NXPH2: variants seen among roughly 807,000 people sequenced by gnomAD.
NXPH2 encodes the protein neurexophilin-2.
NXPH2 carries 5 observed loss-of-function variants against 19.8 expected under a neutral mutation model. The ratio of observed to expected loss-of-function variants is 0.25; its 90% CI spans 0.13 to 0.53. The LOEUF (loss-of-function observed/expected upper bound fraction) is 0.53, where lower values mean the gene tolerates loss of function less well. Ranked by LOEUF, NXPH2 falls within the 20% of genes least tolerant of loss-of-function variation. The probability of loss-of-function intolerance (pLI) is 0.96; values close to 1 mark genes in which losing one functional copy is unlikely to be tolerated. For missense variants in NXPH2, 289 were observed against 322.8 expected, an observed-to-expected ratio of 0.90 and a Z score of 0.80; for synonymous variants, 154 against 127.4, an observed-to-expected ratio of 1.21 and a Z score of -1.41.
intron 1 of NXPH2, among the ~76,000 whole-genome samples, chr2:138,771,832 C>T (rs1682182176): frequency 6.6e-6 from 1 of 152,176 alleles, no homozygotes; most frequent in African/African-American, 2.4e-5. Context: ...GCACCTGTGG[C>T]TCTGAGTGCA....
In NXPH2 at chr2:138,780,376, GTGCC is replaced by G; in HGVS notation, c.-139_-136del. The stretch of plus-strand genomic sequence containing the variant: ...CCTCCCGGAATCCGAGCGCTGCGCC[GTGCC>G]GCGCAGCTCTGGCCGGGTGGGCGGG... On this transcript the variant is annotated 5_prime_UTR_variant, in exon 1 of 2. Transcript: ENST00000272641. The G allele has an allele frequency of 2.9e-6, 1 of 346,204 alleles. No individual in the cohort carries two copies. Among genetic ancestry groups the G allele is most frequent in the Non-Finnish European group, 4.9e-6 (1 of 203,378 alleles). 21.4% of individuals were successfully genotyped at this position (346,204 alleles called of 1,614,324 possible).
Position 138,697,776 on chromosome 2 carries a change from C to T in NXPH2, c.52-26111G>A, listed in dbSNP as rs190768028. The stretch of plus-strand genomic sequence containing the variant: ...TAATAAACTAATAGATAAATAATCA[C>T]CAGAGAAAATATAAATGAATAATAT... On this transcript the variant is annotated intron_variant, in intron 1 of 1. Transcript: ENST00000272641. Among the ~76,000 whole-genome samples the T allele has an allele frequency of 3.5e-3, 523 of 151,312 alleles. 3 individuals are homozygous for T. The highest frequency in any genetic ancestry group is 0.012 in the African/African-American group (492 of 41,310).
chr2:138,672,070 G>A (rs983563017), intron 1 of NXPH2, among the ~76,000 whole-genome samples: 5 of 152,186 alleles, frequency 3.3e-5, no homozygotes, highest in Non-Finnish European at 7.3e-5. Flanking sequence ...CTACAAAGGA[G>A]CTAAAAACTG....
intron 1 of NXPH2, among the ~76,000 whole-genome samples, chr2:138,694,231 AC>A (rs1281544745): frequency 2.0e-5 from 3 of 152,180 alleles, no homozygotes; most frequent in Non-Finnish European, 4.4e-5. Flanking sequence ...ATGCCTCCCA[AC>A]TGAGGAACTG....
At chr2:138,747,668 T>C (rs1241083168) in intron 1 of NXPH2, among the ~76,000 whole-genome samples, 1 of 152,166 alleles carries the variant, frequency 6.6e-6, no homozygotes, top group South Asian at 2.1e-4. Flanking sequence ...TACTTTAGGA[T>C]CTTTTATCTG....
At chr2:138,718,584 G>A (rs559538260) in intron 1 of NXPH2, among the ~76,000 whole-genome samples, 1 of 152,252 alleles carries the variant, frequency 6.6e-6, no homozygotes, top group South Asian at 2.1e-4. Context: ...AATATATTAT[G>A]AGTCAGAAAG....
intron 1 of NXPH2, among the ~76,000 whole-genome samples, chr2:138,716,960 T>G (rs550258002): frequency 1.2e-4 from 18 of 152,348 alleles, no homozygotes; most frequent in African/African-American, 4.3e-4. Context: ...GAATTTATCT[T>G]GCAGGTATAA....
chr2:138,726,229 G>A (rs1681356419), intron 1 of NXPH2, among the ~76,000 whole-genome samples: 1 of 152,066 alleles, frequency 6.6e-6, no homozygotes, highest in South Asian at 2.1e-4. Flanking sequence ...ATTTTTAGTA[G>A]AGATGGGATT....
chr2:138,677,215 T>C (rs1680496649), intron 1 of NXPH2, among the ~76,000 whole-genome samples: 1 of 152,216 alleles, frequency 6.6e-6, no homozygotes, highest in African/African-American at 2.4e-5. Flanking sequence ...CTAATTTCAG[T>C]ATCCCTGCTG....
rs139728353 is a variant in NXPH2, at chr2:138,777,550, A to T, written c.51+2641T>A. 4.7e-4 allele frequency among the ~76,000 whole-genome samples: 72 copies of T among 151,950 alleles called. No homozygotes were observed. The East Asian group carries it at 0.013, about 28-fold the overall frequency. Reference sequence around the variant, plus strand: ...TAAATATCACATAAACAGGTAAAAAAATTCTAGTTATTGTGACTGTATTAT... The same window carrying T: ...TAAATATCACATAAACAGGTAAAAATATTCTAGTTATTGTGACTGTATTAT... On this transcript the variant is annotated intron_variant, in intron 1 of 1. Coordinates refer to ENST00000272641, the MANE Select transcript of NXPH2 (RefSeq NM_007226.3).
chr2:138,728,783 T>C (rs909883826), intron 1 of NXPH2, among the ~76,000 whole-genome samples: 8 of 152,198 alleles, frequency 5.3e-5, no homozygotes, highest in African/African-American at 1.9e-4. Flanking sequence ...GCAAAAATTA[T>C]AGAGTAAAAT....
At position 138,780,200 on chromosome 2, in the gene NXPH2, C is replaced by A; in HGVS notation, c.42G>T (p.Leu14Phe). 6.7e-7 allele frequency: 1 copy of A among 1,489,536 alleles called. No homozygotes were observed. The highest frequency in any genetic ancestry group is 8.9e-7 in the Non-Finnish European group (1 of 1,128,204). 92.3% of individuals were successfully genotyped at this position (1,489,536 alleles called of 1,614,324 possible). Reference sequence around the variant, plus strand: ...CGGGCCGGGCACTCACCAGCTGCAGCAAGCCAGGGACCACCACGAGGGGCA... The same window carrying A: ...CGGGCCGGGCACTCACCAGCTGCAGAAAGCCAGGGACCACCACGAGGGGCA... ...RPLPLVVVPG[L>F]LQLLFCDSKE... Residue 14 changes from leucine (L) to phenylalanine (F), a missense_variant, in exon 1 of 2, where the codon TTG becomes TTT. By Grantham distance (22) the Leu-to-Phe change is conservative. Transcript: ENST00000272641.
chr2:138,761,123 G>T (rs1427373350), intron 1 of NXPH2, among the ~76,000 whole-genome samples: 2 of 152,140 alleles, frequency 1.3e-5, no homozygotes, highest in Non-Finnish European at 2.9e-5. Flanking sequence ...AAGATCCAAA[G>T]ATTTTGTTGA....
intron 1 of NXPH2, among the ~76,000 whole-genome samples, chr2:138,684,421 A>G (rs915157199): frequency 1.3e-5 from 2 of 152,144 alleles, no homozygotes; most frequent in African/African-American, 4.8e-5. Context: ...TGAAACTAAG[A>G]AAACAGAAAA....
chr2:138,717,581 C>T (rs1017671930), intron 1 of NXPH2, among the ~76,000 whole-genome samples: 4 of 151,886 alleles, frequency 2.6e-5, no homozygotes, highest in Admixed American at 6.6e-5. Context: ...CTAATCAACT[C>T]CCAAAGCCTC....
At chr2:138,745,028 C>G (rs1214796715) in intron 1 of NXPH2, among the ~76,000 whole-genome samples, 1 of 152,178 alleles carries the variant, frequency 6.6e-6, no homozygotes, top group Non-Finnish European at 1.5e-5. Flanking sequence ...ACAGCTGCAG[C>G]TGCTGCAATG....
At chr2:138,683,072 G>A (rs1055738443) in intron 1 of NXPH2, among the ~76,000 whole-genome samples, 5 of 152,206 alleles carry the variant, frequency 3.3e-5, no homozygotes, top group Admixed American at 6.5e-5. Flanking sequence ...TTTGTTGGAA[G>A]GGGCTGCTAA....
chr2:138,705,215 T>A (rs998109968), intron 1 of NXPH2, among the ~76,000 whole-genome samples: 2 of 152,092 alleles, frequency 1.3e-5, no homozygotes, highest in Admixed American at 6.6e-5. Context: ...CTTCCCATCA[T>A]GGCCTCTCAA....
intron 1 of NXPH2, among the ~76,000 whole-genome samples, chr2:138,739,405 C>A (rs1344389817): frequency 6.6e-6 from 1 of 152,122 alleles, no homozygotes; most frequent in Non-Finnish European, 1.5e-5. Context: ...TTGGGATGAT[C>A]AGGAAAGTCT....
Sources: gnomAD v4.1 joint callset for allele counts (sites outside exome capture counted in the v4.1 genomes callset) on GRCh38, gnomAD v4.1.1 for gene constraint, MANE v1.5 for transcripts, NCBI Gene and HGNC (gene_info 2026-07-23, HGNC 2026-07-21) for gene names.